Variants in EPHA5 observed in about 807,000 individuals in gnomAD.
The protein encoded by EPHA5 is ephrin type-A receptor 5.
EPHA5 carries 60 observed loss-of-function variants against 105.0 expected under a neutral mutation model. That is an observed-to-expected ratio of 0.57 (90% CI 0.46 to 0.71). The LOEUF (loss-of-function observed/expected upper bound fraction) is 0.71, where lower values mean the gene tolerates loss of function less well. Among genes scored for constraint, EPHA5 ranks in the 30% least tolerant of loss-of-function variants. The pLI is 0.00. For synonymous variants in EPHA5, 513 were observed against 449.1 expected, an observed-to-expected ratio of 1.14 and a Z score of -1.80; for missense variants, 1,218 against 1,274.7, an observed-to-expected ratio of 0.96 and a Z score of 0.68.
In EPHA5 at chr4:65,351,533, C is replaced by T. The variant is rs1281456118; in HGVS notation, c.2301G>A (p.Met767Ile). 2 of 1,613,614 alleles carry T rather than the reference C, an allele frequency of 1.2e-6. No individual in the cohort carries two copies. The highest frequency in any genetic ancestry group is 1.7e-6 in the Non-Finnish European group (2 of 1,179,792). Residue 767 changes from methionine (M) to isoleucine (I), a missense_variant, in exon 13 of 17, where the codon ATG (methionine) becomes ATA (isoleucine). By Grantham distance (10) the Met-to-Ile change is conservative. This residue lies in a region of EPHA5 where 971 missense variants were observed against 1,013.5 expected (regional missense o/e 0.96). Transcript: ENST00000613740. ...CATAGCCCATGTCAGAAAGGTACTT[C>T]ATTCCTGCAGAGATACCTCTCAGCA... is the stretch of plus-strand genomic sequence containing the variant. The part of the protein sequence containing the change: ...VGMLRGISAG[M>I]KYLSDMGYVH...
intron 3 of EPHA5, among the ~76,000 whole-genome samples, chr4:65,571,222 G>C (rs980642611): frequency 6.6e-6 from 1 of 151,774 alleles, no homozygotes; most frequent in African/African-American, 2.4e-5. Context: ...GAGTAGGGGA[G>C]ACTATATCTT....
chr4:65,639,215 T>C (rs1006315384), intron 2 of EPHA5, among the ~76,000 whole-genome samples: 1 of 152,214 alleles, frequency 6.6e-6, no homozygotes, highest in Non-Finnish European at 1.5e-5. Flanking sequence ...AGAAAAAATA[T>C]GTAGGTTGCA....
intron 3 of EPHA5, among the ~76,000 whole-genome samples, chr4:65,501,551 G>T (rs532630843): frequency 6.6e-6 from 1 of 151,524 alleles, no homozygotes; most frequent in South Asian, 2.1e-4. Context: ...GAACCAAGGA[G>T]GTGAAAGATA....
chr4:65,606,489 T>G (rs1201845883), intron 2 of EPHA5, among the ~76,000 whole-genome samples: 1 of 152,136 alleles, frequency 6.6e-6, no homozygotes, highest in Non-Finnish European at 1.5e-5. Flanking sequence ...GAAAGGTTTA[T>G]AAAAGCAGAT....
At chr4:65,498,620 G>C (rs1051724551) in intron 3 of EPHA5, among the ~76,000 whole-genome samples, 3 of 151,832 alleles carry the variant, frequency 2.0e-5, no homozygotes, top group Non-Finnish European at 2.9e-5. Flanking sequence ...TAGGTTTCAT[G>C]ATGTATTTAA....
intron 6 of EPHA5, among the ~76,000 whole-genome samples, chr4:65,419,288 C>G (rs1723710784): frequency 6.6e-6 from 1 of 152,042 alleles, no homozygotes; most frequent in African/African-American, 2.4e-5. Flanking sequence ...TGAGGAGAAC[C>G]ATTTATTCTC....
intron 8 of EPHA5, among the ~76,000 whole-genome samples, chr4:65,376,709 G>A (rs967939796): frequency 2.0e-5 from 3 of 151,936 alleles, no homozygotes; most frequent in Admixed American, 6.6e-5. Flanking sequence ...CAAAAATGGT[G>A]ACATGTTAAA....
intron 5 of EPHA5, among the ~76,000 whole-genome samples, chr4:65,466,282 A>C (rs2149145344): frequency 6.6e-6 from 1 of 152,358 alleles, no homozygotes; most frequent in South Asian, 2.1e-4. Context: ...ACATAAAAAC[A>C]AGCATAGAAG....
intron 3 of EPHA5, among the ~76,000 whole-genome samples, chr4:65,555,733 G>T (rs1172036284): frequency 6.9e-6 from 1 of 144,666 alleles, no homozygotes; most frequent in Non-Finnish European, 1.5e-5. Flanking sequence ...GAATTTTTAT[G>T]TTAAAAATCA....
intron 5 of EPHA5, among the ~76,000 whole-genome samples, chr4:65,482,219 ACCCAGGAGGCGGAGGT>A (rs1485304132): frequency 6.9e-6 from 1 of 145,544 alleles, no homozygotes; most frequent in Non-Finnish European, 1.5e-5. Flanking sequence ...AAGTGCTTGA[ACCCAGGAGGCGGAGGT>A]TACAGTGAGC....
intron 7 of EPHA5, among the ~76,000 whole-genome samples, chr4:65,410,858 A>G (rs1722846144): frequency 6.6e-6 from 1 of 152,198 alleles, no homozygotes; most frequent in Non-Finnish European, 1.5e-5. Context: ...GAAGTGATGC[A>G]TTTTTAAAAA....
At chr4:65,665,034 T>G (rs1749848526) in intron 1 of EPHA5, among the ~76,000 whole-genome samples, 1 of 151,928 alleles carries the variant, frequency 6.6e-6, no homozygotes, top group Admixed American at 6.6e-5. Flanking sequence ...ATATGCTAAT[T>G]TAAATTGAAA....
At position 65,669,556 on chromosome 4, in the gene EPHA5, C is replaced by T. The variant is rs778300355; in HGVS notation, c.181+6G>A. The stretch of plus-strand genomic sequence containing the variant: ...GTCGCCACGGTCCCCACCCCCATCT[C>T]CCTACCTTCGTTGCTGGGGCTGGCC... On this transcript the variant is annotated splice_donor_region_variant and intron_variant, in intron 1 of 16. Transcript: ENST00000613740. The T allele has an allele frequency of 7.2e-7, 1 of 1,395,460 alleles. No homozygotes were observed. 86.4% of individuals were successfully genotyped at this position (1,395,460 alleles called of 1,614,324 possible). A position where few individuals can be genotyped will look rare whatever the true frequency, so the allele number is the denominator to read the frequency against.
chr4:65,551,880 A>T (rs555778010), intron 3 of EPHA5, among the ~76,000 whole-genome samples: 192 of 152,278 alleles, frequency 1.3e-3, no homozygotes, highest in Middle Eastern at 6.8e-3. Flanking sequence ...ATGGTTAATA[A>T]ATTACGTTAA....
At chr4:65,490,211 T>C (rs752333470) in intron 5 of EPHA5, among the ~76,000 whole-genome samples, 166 bp downstream of exon 5, 29 of 152,224 alleles carry the variant, frequency 1.9e-4, no homozygotes, top group Non-Finnish European at 3.7e-4. Context: ...TTAACTATTA[T>C]TTATTTAAAA....
intron 3 of EPHA5, among the ~76,000 whole-genome samples, chr4:65,522,854 G>A (rs1445798391): frequency 3.3e-5 from 5 of 151,760 alleles, no homozygotes; most frequent in Non-Finnish European, 5.9e-5. Context: ...TTATACAACA[G>A]GCCAAATGTG....
chr4:65,491,575 G>GGAGT (rs1731405109), intron 4 of EPHA5, among the ~76,000 whole-genome samples: 1 of 151,946 alleles, frequency 6.6e-6, no homozygotes, highest in African/African-American at 2.4e-5. Context: ...ATAGCTTTCA[G>GGAGT]GAGTGAAACT....
chr4:65,450,656 T>C (rs1726977998), intron 5 of EPHA5, among the ~76,000 whole-genome samples: 1 of 152,194 alleles, frequency 6.6e-6, no homozygotes, highest in South Asian at 2.1e-4. Context: ...ATAATTATAA[T>C]ACCAGCCCAA....
intron 3 of EPHA5, among the ~76,000 whole-genome samples, chr4:65,552,405 A>G (rs373152231): frequency 9.2e-5 from 14 of 152,258 alleles, no homozygotes; most frequent in African/African-American, 2.9e-4. Flanking sequence ...TCCCAGGGCA[A>G]CCTGGGCCAT....
Sources: gnomAD v4.1 joint callset for allele counts (sites outside exome capture counted in the v4.1 genomes callset) on GRCh38, gnomAD v4.1.1 for gene constraint, gnomAD v4.1.1 regional missense constraint, MANE v1.5 for transcripts, NCBI Gene and HGNC (gene_info 2026-07-23, HGNC 2026-07-21) for gene names.